Variants in PRKN observed in about 807,000 individuals in gnomAD.
PRKN encodes the protein parkin RBR E3 ubiquitin protein ligase, also known as E3 ubiquitin-protein ligase parkin.
PRKN carries 56 observed loss-of-function variants against 59.5 expected under a neutral mutation model. That is an observed-to-expected ratio of 0.94 (90% CI 0.76 to 1.18). The LOEUF is 1.18. PRKN is among the 50% of genes most tolerant of loss of function. The probability of loss-of-function intolerance (pLI) is 0.00; values close to 1 mark genes in which losing one functional copy is unlikely to be tolerated. For missense variants in PRKN, 657 were observed against 596.4 expected (o/e 1.10, Z -1.06); for synonymous variants, 250 against 222.1 (o/e 1.13, Z -1.12).
At chr6:161,818,727 G>C (rs1196105566) in intron 6 of PRKN, among the ~76,000 whole-genome samples, 5 of 152,042 alleles carry the variant, frequency 3.3e-5, no homozygotes, top group Admixed American at 6.6e-5. Context: ...CAGTAGCAAT[G>C]ATGTAATTTT....
chr6:161,774,113 T>C (rs1028304744), intron 7 of PRKN, among the ~76,000 whole-genome samples: 3 of 152,114 alleles, frequency 2.0e-5, no homozygotes, highest in African/African-American at 7.2e-5. Flanking sequence ...CCAGCTAGAA[T>C]GAGCTCTGCA....
chr6:161,717,602 C>T (rs1233709038), intron 7 of PRKN, among the ~76,000 whole-genome samples: 1 of 152,132 alleles, frequency 6.6e-6, no homozygotes, highest in Admixed American at 6.6e-5. Context: ...TTCCGGTGTT[C>T]CTAATTCGTG....
At chr6:162,716,788 A>ACGCACACACACACGCG (rs1562521404) in intron 1 of PRKN, among the ~76,000 whole-genome samples, 1 of 80,196 alleles carries the variant, frequency 1.2e-5, no homozygotes, top group Admixed American at 1.6e-4. Context: ...ACACACGCGC[A>ACGCACACACACACGCG]CACACACACA....
At chr6:161,955,617 G>A (rs776470061) in intron 6 of PRKN, among the ~76,000 whole-genome samples, 2 of 152,192 alleles carry the variant, frequency 1.3e-5, no homozygotes, top group East Asian at 1.9e-4. Context: ...TTGGGAGACC[G>A]AGGTGGGCGG....
At chr6:161,785,211 A>ATT (rs1790365200) in intron 7 of PRKN, among the ~76,000 whole-genome samples, 1 of 152,200 alleles carries the variant, frequency 6.6e-6, no homozygotes, top group African/African-American at 2.4e-5. Context: ...ATGCCACTGA[A>ATT]TTGTACACTT....
chr6:161,762,704 AT>A (rs1265551212), intron 7 of PRKN, among the ~76,000 whole-genome samples: 1 of 152,210 alleles, frequency 6.6e-6, no homozygotes, highest in African/African-American at 2.4e-5. Context: ...GAGCTATGAA[AT>A]GCCTAAGGAA....
At chr6:161,769,903 T>A (rs1789592690) in intron 7 of PRKN, among the ~76,000 whole-genome samples, 1 of 152,182 alleles carries the variant, frequency 6.6e-6, no homozygotes, top group Non-Finnish European at 1.5e-5. Context: ...CATTGTTGGC[T>A]TTACTGTAAC....
rs1784555489 is a variant in PRKN, at chr6:161,661,754, G to C, written c.872-92338C>G. Among the ~76,000 whole-genome samples, 5 of 152,178 alleles carry C rather than the reference G, an allele frequency of 3.3e-5. No homozygotes were observed. The South Asian group carries it at 1.0e-3, about 32-fold the overall frequency. ...GTGGTACAAGTACGCTGGGCACAGTGGCTCCCACGTGTAATCACAGCACTT... is the reference window on the plus strand; with the variant it reads ...GTGGTACAAGTACGCTGGGCACAGTCGCTCCCACGTGTAATCACAGCACTT... On this transcript the variant is annotated intron_variant, in intron 7 of 11. Transcript: ENST00000366898.
intron 1 of PRKN, among the ~76,000 whole-genome samples, chr6:162,679,347 G>A (rs112992659): frequency 0.01 from 1,560 of 152,020 alleles, 26 homozygotes; most frequent in African/African-American, 0.036. Context: ...CAAGTGATCC[G>A]CCCACCTCGG....
At chr6:161,370,540 C>G (rs76421655) in intron 10 of PRKN, among the ~76,000 whole-genome samples, 12,298 of 142,020 alleles carry the variant, frequency 0.087, 690 homozygotes, top group African/African-American at 0.15. Flanking sequence ...TGCAGTGAGC[C>G]GAGATCGCGC....
intron 2 of PRKN, among the ~76,000 whole-genome samples, chr6:162,366,050 G>A (rs747571172): frequency 6.6e-6 from 1 of 152,140 alleles, no homozygotes; most frequent in South Asian, 2.1e-4. Context: ...ATGGGTACTT[G>A]CCATGGGTAC....
chr6:162,588,130 C>T (rs1473020664), intron 1 of PRKN, among the ~76,000 whole-genome samples: 2 of 151,482 alleles, frequency 1.3e-5, no homozygotes, highest in Non-Finnish European at 2.9e-5. Flanking sequence ...CCTACCTCAG[C>T]CTCCCAAGTA....
chr6:161,988,015 T>C (rs989269154), intron 5 of PRKN, among the ~76,000 whole-genome samples: 12 of 152,102 alleles, frequency 7.9e-5, no homozygotes, highest in African/African-American at 2.7e-4. Context: ...CTTATCATTA[T>C]AGAACAATTC....
At chr6:162,464,123 C>A (rs1195647180) in intron 1 of PRKN, among the ~76,000 whole-genome samples, 1 of 152,116 alleles carries the variant, frequency 6.6e-6, no homozygotes, top group Non-Finnish European at 1.5e-5. Context: ...TCTAACAATT[C>A]TTGATGCCTT....
chr6:162,070,827 G>A (rs1274758755), intron 4 of PRKN, among the ~76,000 whole-genome samples: 1 of 152,060 alleles, frequency 6.6e-6, no homozygotes, highest in East Asian at 2.0e-4. Flanking sequence ...TGTAATGCTC[G>A]CTCGCCTACT....
chr6:162,469,154 T>C (rs1791582717), intron 1 of PRKN, among the ~76,000 whole-genome samples: 1 of 152,108 alleles, frequency 6.6e-6, no homozygotes, highest in African/African-American at 2.4e-5. Context: ...CTGGTGTATT[T>C]ACAAGGAAGT....
chr6:162,221,853 A>G (rs1777947950), intron 3 of PRKN, among the ~76,000 whole-genome samples: 1 of 152,178 alleles, frequency 6.6e-6, no homozygotes, highest in Admixed American at 6.5e-5. Flanking sequence ...GGGTTTGACA[A>G]GGACATAATC....
intron 3 of PRKN, among the ~76,000 whole-genome samples, chr6:162,247,750 G>C (rs576261377): frequency 1.3e-5 from 2 of 152,082 alleles, no homozygotes. Flanking sequence ...TTCTAGCATA[G>C]TGTTAGAAAA....
Position 161,973,200 on chromosome 6 carries a change from T to G in PRKN, c.734+102A>C, listed in dbSNP as rs569684364. ...GAGAGTTCACTGAGGAAGGCTCGTG[T>G]GGCAGAACAATATTGGGAAAGTAAG... On this transcript the variant is annotated intron_variant, in intron 6 of 11. Transcript: ENST00000366898. 7.5e-6 allele frequency: 6 copies of G among 800,744 alleles called. No homozygotes were observed. In the African/African-American group the frequency reaches 1.0e-4, roughly 13 times the overall value. 49.6% of individuals were successfully genotyped at this position (800,744 alleles called of 1,614,324 possible). A position where few individuals can be genotyped will look rare whatever the true frequency, so the allele number is the denominator to read the frequency against.
Sources: allele counts gnomAD v4.1 joint callset (sites outside exome capture counted in the v4.1 genomes callset), GRCh38; gene constraint gnomAD v4.1.1; transcripts MANE v1.5; gene names NCBI Gene and HGNC (gene_info 2026-07-23, HGNC 2026-07-21).